The following TRIM9 variants were observed in gnomAD, a reference collection of about 807,000 sequenced individuals.
TRIM9 encodes the protein E3 ubiquitin-protein ligase TRIM9.
In TRIM9, 26 loss-of-function variants were observed where a neutral mutation model predicts 78.3. The ratio of observed to expected loss-of-function variants is 0.33; its 90% CI spans 0.24 to 0.46. The LOEUF is 0.46. Among genes scored for constraint, TRIM9 ranks in the 20% least tolerant of loss-of-function variants. The probability of loss-of-function intolerance (pLI) is 1.00; values close to 1 mark genes in which losing one functional copy is unlikely to be tolerated. For synonymous variants in TRIM9, 398 were observed against 416.5 expected, an observed-to-expected ratio of 0.96 and a Z score of 0.54; for missense variants, 787 against 1,036.4, an observed-to-expected ratio of 0.76 and a Z score of 3.30.
chr14:51,029,448 C>T (rs2058543768), intron 1 of TRIM9, among the ~76,000 whole-genome samples: 1 of 152,108 alleles, frequency 6.6e-6, no homozygotes, highest in South Asian at 2.1e-4. Context: ...TTCCCAGGTA[C>T]AAAGATAAAC....
intron 1 of TRIM9, among the ~76,000 whole-genome samples, chr14:51,059,843 A>G (rs8012256): frequency 0.2 from 29,871 of 151,858 alleles, 3,114 homozygotes; most frequent in Non-Finnish European, 0.24. Context: ...AAAAACTAAA[A>G]CAAAACAAAA....
chr14:51,032,219 T>C (rs1286535107), intron 1 of TRIM9, among the ~76,000 whole-genome samples: 1 of 152,236 alleles, frequency 6.6e-6, no homozygotes, highest in Non-Finnish European at 1.5e-5. Context: ...GGGACCAACA[T>C]GGCATTGGAG....
chr14:51,027,289 G>A (rs549110155), intron 1 of TRIM9, among the ~76,000 whole-genome samples: 7 of 151,884 alleles, frequency 4.6e-5, no homozygotes, highest in East Asian at 3.9e-4. Flanking sequence ...GATTACAGCC[G>A]TGCACCACCA....
chr14:51,088,316 G>T (rs958715754), intron 1 of TRIM9, among the ~76,000 whole-genome samples: 1 of 152,194 alleles, frequency 6.6e-6, no homozygotes, highest in Non-Finnish European at 1.5e-5. Context: ...ATGCTACATT[G>T]AATCAAGTGG....
chr14:50,998,612 A>T (rs896951086), intron 6 of TRIM9, among the ~76,000 whole-genome samples: 3 of 152,198 alleles, frequency 2.0e-5, no homozygotes, highest in African/African-American at 7.2e-5. Context: ...TTTGTAAAAA[A>T]CATGTTTGAA....
At chr14:50,989,948 C>T (rs567179428) in intron 7 of TRIM9, among the ~76,000 whole-genome samples, 32 of 152,134 alleles carry the variant, frequency 2.1e-4, no homozygotes, top group Non-Finnish European at 3.7e-4. Context: ...TGGCTGGGGA[C>T]CACTTGTATT....
At chr14:51,089,370 G>T (rs1372859586) in intron 1 of TRIM9, 2 of 152,220 alleles carry the variant, frequency 1.3e-5, no homozygotes, top group Admixed American at 1.3e-4. Context: ...CCACCAACTT[G>T]TTTAGGTGAG....
At chr14:51,045,092 T>C (rs1199707754) in intron 1 of TRIM9, among the ~76,000 whole-genome samples, 1 of 152,124 alleles carries the variant, frequency 6.6e-6, no homozygotes, top group Non-Finnish European at 1.5e-5. Context: ...TCTGACATTG[T>C]CGGGAGCTGT....
chr14:51,033,045 A>G (rs747944236), intron 1 of TRIM9, among the ~76,000 whole-genome samples: 1 of 152,164 alleles, frequency 6.6e-6, no homozygotes, highest in Non-Finnish European at 1.5e-5. Context: ...ACTGGTCCTA[A>G]TCATTCTGGA....
At chr14:51,057,120 G>C (rs998347587) in intron 1 of TRIM9, among the ~76,000 whole-genome samples, 4 of 152,134 alleles carry the variant, frequency 2.6e-5, no homozygotes, top group African/African-American at 9.7e-5. Flanking sequence ...CAGATGCTGT[G>C]CTCTCAGCTC....
At chr14:51,071,387 G>GAAAAAAAAAAAAAAAAAAAAAAAA (rs56726763) in intron 1 of TRIM9, among the ~76,000 whole-genome samples, 1 of 115,876 alleles carries the variant, frequency 8.6e-6, no homozygotes, top group Non-Finnish European at 1.8e-5. Context: ...AAAAAAAAAA[G>GAAAAAAAAAAAAAAAAAAAAAAAA]AAAAAAAAAA....
At chr14:51,081,199 A>G (rs2063277362) in intron 1 of TRIM9, among the ~76,000 whole-genome samples, 2 of 152,260 alleles carry the variant, frequency 1.3e-5, no homozygotes, top group Admixed American at 1.3e-4. Context: ...CTTTAAATAG[A>G]CATTTCTCTT....
chr14:51,003,065 A>G (rs1353255241), intron 5 of TRIM9, among the ~76,000 whole-genome samples: 1 of 152,226 alleles, frequency 6.6e-6, no homozygotes, highest in African/African-American at 2.4e-5. Context: ...AGAGAAGGAC[A>G]CAGAAGACAT....
At chr14:51,047,854 A>C (rs1213968053) in intron 1 of TRIM9, among the ~76,000 whole-genome samples, 2 of 152,152 alleles carry the variant, frequency 1.3e-5, no homozygotes, top group Non-Finnish European at 2.9e-5. Context: ...ATCCATTTTT[A>C]GTATAAATAT....
chr14:50,993,813 T>C (rs1194180795), intron 7 of TRIM9, among the ~76,000 whole-genome samples: 1 of 152,228 alleles, frequency 6.6e-6, no homozygotes, highest in Non-Finnish European at 1.5e-5. Flanking sequence ...CACAGCGGAC[T>C]GTGCTGAGCA....
At chr14:51,005,308 TG>T (rs2055630253) in intron 5 of TRIM9, among the ~76,000 whole-genome samples, 1 of 152,084 alleles carries the variant, frequency 6.6e-6, no homozygotes, top group Non-Finnish European at 1.5e-5. Context: ...ATATTCAACT[TG>T]AGTCAATAAA....
rs2051459504 is a variant in TRIM9 at position 50,979,124 on chromosome 14, GATC to G, written c.2325+260_2325+262del. The G allele has an allele frequency of 2.1e-6, 3 of 1,396,688 alleles. No individual in the cohort carries two copies. In the East Asian group the frequency reaches 7.6e-5, roughly 35 times the overall value. 86.5% of individuals were successfully genotyped at this position (1,396,688 alleles called of 1,614,324 possible). A position where few individuals can be genotyped will look rare whatever the true frequency, so the allele number is the denominator to read the frequency against. On this transcript the variant is annotated intron_variant, in intron 12 of 12. Transcript: ENST00000684578. The stretch of plus-strand genomic sequence containing the variant: ...GAGGTGAAACTAGAGCTACAGAGAT[GATC>G]ATTAGCCAACCATGAAGAGAATTCT...
At chr14:51,054,781 C>T (rs913415140) in intron 1 of TRIM9, among the ~76,000 whole-genome samples, 2 of 151,962 alleles carry the variant, frequency 1.3e-5, no homozygotes, top group East Asian at 3.9e-4. Context: ...CCTCGTGATC[C>T]ACCTGCCTCG....
intron 1 of TRIM9, among the ~76,000 whole-genome samples, chr14:51,074,823 C>G (rs2062611519): frequency 6.6e-6 from 1 of 152,200 alleles, no homozygotes; most frequent in Non-Finnish European, 1.5e-5. Context: ...AAGGGGCCAA[C>G]AGGGCTGTGG....
Sources: allele counts gnomAD v4.1 joint callset (sites outside exome capture counted in the v4.1 genomes callset), GRCh38; gene constraint gnomAD v4.1.1; transcripts MANE v1.5; gene names NCBI Gene and HGNC (gene_info 2026-07-23, HGNC 2026-07-21).